PKP4: variants seen among roughly 807,000 people sequenced by gnomAD.
PKP4 encodes the protein plakophilin 4, also known as plakophilin-4.
A neutral mutation model predicts 145.1 loss-of-function variants in PKP4; 90 were observed. That is an observed-to-expected ratio of 0.62 (90% CI 0.52 to 0.74). The LOEUF is 0.74. Among genes scored for constraint, PKP4 ranks in the 30% least tolerant of loss-of-function variants. The pLI is 0.00. For missense variants in PKP4, 1,340 were observed against 1,482.7 expected (o/e 0.90, Z 1.58); for synonymous variants, 563 against 577.2 (o/e 0.98, Z 0.35).
At chr2:158,622,152 C>A (rs2052324795) in intron 6 of PKP4, among the ~76,000 whole-genome samples, 1 of 152,174 alleles carries the variant, frequency 6.6e-6, no homozygotes. Flanking sequence ...TTTGCCCATT[C>A]TAACCAAAGG....
chr2:158,610,523 C>T (rs893172423), intron 4 of PKP4, among the ~76,000 whole-genome samples: 7 of 152,160 alleles, frequency 4.6e-5, no homozygotes, highest in African/African-American at 1.7e-4. Flanking sequence ...GAACGTACCT[C>T]TTTTTAAAGA....
intron 17 of PKP4, 100 bp downstream of exon 17, chr2:158,670,015 A>G: frequency 1.1e-6 from 1 of 931,556 alleles, no homozygotes; most frequent in Non-Finnish European, 1.6e-6. Flanking sequence ...GAAAGGATTT[A>G]TTTTTGCATT....
intron 1 of PKP4, among the ~76,000 whole-genome samples, chr2:158,472,318 A>G (rs1431663673): frequency 6.8e-6 from 1 of 147,522 alleles, no homozygotes. Context: ...AATTTTAAAA[A>G]GTAGAATTAG....
chr2:158,552,598 G>A (rs753528392), intron 2 of PKP4, among the ~76,000 whole-genome samples: 1 of 152,066 alleles, frequency 6.6e-6, no homozygotes, highest in Non-Finnish European at 1.5e-5. Context: ...TGAGGAATAC[G>A]TAATTGGAAA....
chr2:158,595,138 A>G (rs1574680842), intron 3 of PKP4, among the ~76,000 whole-genome samples: 1 of 152,196 alleles, frequency 6.6e-6, no homozygotes, highest in East Asian at 1.9e-4. Flanking sequence ...GGCAATCCTT[A>G]CCTGACTAAG....
chr2:158,573,612 T>C (rs2047590119), intron 2 of PKP4, among the ~76,000 whole-genome samples: 2 of 148,008 alleles, frequency 1.4e-5, no homozygotes, highest in African/African-American at 5.0e-5. Flanking sequence ...TCTCACAATA[T>C]ATTTAAATTG....
At chr2:158,496,094 C>T (rs1227787332) in intron 1 of PKP4, among the ~76,000 whole-genome samples, 6 of 151,866 alleles carry the variant, frequency 4.0e-5, no homozygotes, top group Admixed American at 6.6e-5. Flanking sequence ...AGTTCTCCCA[C>T]CTCAGCCTCC....
At chr2:158,478,931 A>C (rs1244972335) in intron 1 of PKP4, among the ~76,000 whole-genome samples, 1 of 152,188 alleles carries the variant, frequency 6.6e-6, no homozygotes. Context: ...ATGGGCTTTT[A>C]GATGTGGAAA....
At chr2:158,473,867 G>A (rs1402814894) in intron 1 of PKP4, among the ~76,000 whole-genome samples, 6 of 151,986 alleles carry the variant, frequency 3.9e-5, no homozygotes, top group Non-Finnish European at 8.8e-5. Context: ...TTGCTTTGAA[G>A]CTAGCTTATG....
chr2:158,543,283 A>G (rs2044684013), intron 2 of PKP4, among the ~76,000 whole-genome samples: 1 of 152,184 alleles, frequency 6.6e-6, no homozygotes. Flanking sequence ...CTCAACAGGT[A>G]TATATTTGGT....
intron 1 of PKP4, among the ~76,000 whole-genome samples, chr2:158,476,943 A>C (rs1418623801): frequency 1.3e-5 from 2 of 152,174 alleles, no homozygotes; most frequent in Non-Finnish European, 2.9e-5. Context: ...TTACTCTATT[A>C]AATGCTCTTC....
At chr2:158,676,452 T>G (rs997865501) in intron 19 of PKP4, among the ~76,000 whole-genome samples, 5 of 152,020 alleles carry the variant, frequency 3.3e-5, no homozygotes, top group Admixed American at 2.6e-4. Flanking sequence ...AGCTGCATGA[T>G]CTCTACACTG....
chr2:158,657,080 A>G (rs1191866826), intron 11 of PKP4, among the ~76,000 whole-genome samples: 3 of 152,150 alleles, frequency 2.0e-5, no homozygotes, highest in African/African-American at 7.2e-5. Context: ...TTGTGAAAGC[A>G]CTGTACAGAC....
chr2:158,491,161 C>T (rs1694878717), intron 1 of PKP4, among the ~76,000 whole-genome samples: 1 of 152,126 alleles, frequency 6.6e-6, no homozygotes, highest in African/African-American at 2.4e-5. Context: ...AGTTTTATCT[C>T]TCCCCTCCTT....
intron 3 of PKP4, among the ~76,000 whole-genome samples, chr2:158,585,914 G>A (rs1313822482): frequency 2.2e-5 from 3 of 139,062 alleles, no homozygotes; most frequent in Non-Finnish European, 3.1e-5. Context: ...AAACCCTCTA[G>A]CCTCCCCCTT....
At chr2:158,504,008 TAAGAAAACA>T (rs1362525872) in intron 1 of PKP4, among the ~76,000 whole-genome samples, 2 of 140,592 alleles carry the variant, frequency 1.4e-5, no homozygotes. Flanking sequence ...GTTTGAGATA[TAAGAAAACA>T]TAGAAAACGT....
At chr2:158,540,799 A>T (rs1469598935) in intron 2 of PKP4, among the ~76,000 whole-genome samples, 2 of 152,078 alleles carry the variant, frequency 1.3e-5, no homozygotes, top group African/African-American at 2.4e-5. Context: ...TTTTTGTTTA[A>T]TTTTTACCAT....
chr2:158,616,692 A>G (rs2051660136), intron 4 of PKP4, among the ~76,000 whole-genome samples: 1 of 152,150 alleles, frequency 6.6e-6, no homozygotes, highest in African/African-American at 2.4e-5. Flanking sequence ...GACTCAAACA[A>G]GGAGAACCTG....
intron 1 of PKP4, among the ~76,000 whole-genome samples, chr2:158,489,823 A>G (rs1161136498): frequency 6.6e-6 from 1 of 152,200 alleles, no homozygotes; most frequent in Non-Finnish European, 1.5e-5. Context: ...ATGTCCAGCG[A>G]AACTCTCACA....
Sources: gnomAD v4.1 joint callset for allele counts (sites outside exome capture counted in the v4.1 genomes callset) on GRCh38, gnomAD v4.1.1 for gene constraint, MANE v1.5 for transcripts, NCBI Gene and HGNC (gene_info 2026-07-23, HGNC 2026-07-21) for gene names.